Variants in CCSER2 observed in about 807,000 individuals in gnomAD.
The protein encoded by CCSER2 is serine-rich coiled-coil domain-containing protein 2.
CCSER2 carries 46 observed loss-of-function variants against 92.3 expected under a neutral mutation model. That is an observed-to-expected ratio of 0.50 (90% CI 0.39 to 0.64). The LOEUF (loss-of-function observed/expected upper bound fraction) is 0.64, where lower values mean the gene tolerates loss of function less well. CCSER2 is among the 30% of genes least tolerant of loss of function. The pLI is 0.00. For synonymous variants in CCSER2, 433 were observed against 431.4 expected (o/e 1.00, Z -0.04); for missense variants, 1,244 against 1,238.9 (o/e 1.00, Z -0.06).
chr10:84,336,723 T>C (rs1052069121), intron 1 of CCSER2, among the ~76,000 whole-genome samples: 3 of 152,196 alleles, frequency 2.0e-5, no homozygotes, highest in Non-Finnish European at 2.9e-5. Flanking sequence ...CCAGTGAGAC[T>C]GGCTTTTAAA....
At chr10:84,407,261 T>G (rs907365050) in intron 3 of CCSER2, among the ~76,000 whole-genome samples, 1 of 152,228 alleles carries the variant, frequency 6.6e-6, no homozygotes, top group Non-Finnish European at 1.5e-5. Flanking sequence ...TTGGCCTTCC[T>G]TTTTGGTTTT....
chr10:84,477,521 T>G, intron 8 of CCSER2, 54 bp from the exon 9 acceptor site: 1 of 902,260 alleles, frequency 1.1e-6, no homozygotes, highest in African/African-American at 1.7e-5. Flanking sequence ...CTTGTGTGTC[T>G]TGGTGTGTAT....
intron 1 of CCSER2, among the ~76,000 whole-genome samples, chr10:84,370,600 C>T (rs1305800199): frequency 4.6e-5 from 7 of 152,144 alleles, no homozygotes; most frequent in Non-Finnish European, 1.0e-4. Flanking sequence ...ATCTGAATGC[C>T]TTTTATTTCA....
At chr10:84,381,917 C>CAAAAAAAA (rs544545707) in intron 3 of CCSER2, among the ~76,000 whole-genome samples, 1 of 120,072 alleles carries the variant, frequency 8.3e-6, no homozygotes, top group Non-Finnish European at 1.7e-5. Context: ...AAGGCTTTCT[C>CAAAAAAAA]AAAAAAAAAA....
chr10:84,394,303 A>T (rs1283676470), intron 3 of CCSER2, among the ~76,000 whole-genome samples: 1 of 152,138 alleles, frequency 6.6e-6, no homozygotes, highest in East Asian at 1.9e-4. Context: ...TTTGATAGGC[A>T]GATAAATTAT....
intron 3 of CCSER2, chr10:84,392,155 A>G (rs1344759662): frequency 3.5e-6 from 2 of 567,084 alleles, no homozygotes; most frequent in Non-Finnish European, 6.4e-6. Flanking sequence ...GGAAGGGTAA[A>G]CCGGTAGGGA....
intron 3 of CCSER2, among the ~76,000 whole-genome samples, chr10:84,410,842 A>G (rs1842613743): frequency 6.6e-6 from 1 of 152,090 alleles, no homozygotes; most frequent in South Asian, 2.1e-4. Context: ...CTGTGCCTAA[A>G]TCTTTACCTG....
intron 8 of CCSER2, among the ~76,000 whole-genome samples, chr10:84,476,735 G>A (rs1168761217): frequency 6.6e-6 from 1 of 152,100 alleles, no homozygotes; most frequent in Non-Finnish European, 1.5e-5. Flanking sequence ...GAGCCACCGT[G>A]CCTGGCCGGG....
intron 6 of CCSER2, among the ~76,000 whole-genome samples, chr10:84,458,259 T>C (rs961805081): frequency 2.0e-5 from 3 of 152,194 alleles, no homozygotes; most frequent in Non-Finnish European, 4.4e-5. Context: ...TTATCACGTG[T>C]ATGTTCAGTT....
chr10:84,441,734 ATGTTTTTTTTTTT>A (rs1308517892), intron 6 of CCSER2, among the ~76,000 whole-genome samples: 32 of 106,418 alleles, frequency 3.0e-4, no homozygotes, highest in Middle Eastern at 4.7e-3. Flanking sequence ...GACTGGGAAA[ATGTTTTTTTTTTT>A]TTTTTTTTTT....
chr10:84,511,271 T>G (rs1392326480), intron 9 of CCSER2, among the ~76,000 whole-genome samples: 2 of 152,216 alleles, frequency 1.3e-5, no homozygotes, highest in Admixed American at 6.5e-5. Flanking sequence ...TCTGCTGTAT[T>G]TCCGTTTATT....
At chr10:84,500,502 G>T (rs535008259) in intron 9 of CCSER2, among the ~76,000 whole-genome samples, 4 of 152,244 alleles carry the variant, frequency 2.6e-5, no homozygotes, top group African/African-American at 9.6e-5. Flanking sequence ...AGATGTTTTT[G>T]TAATTTATCA....
chr10:84,380,852 G>A (rs1840864591), intron 3 of CCSER2, among the ~76,000 whole-genome samples: 1 of 151,928 alleles, frequency 6.6e-6, no homozygotes, highest in African/African-American at 2.4e-5. Flanking sequence ...CTGCCACCAC[G>A]CCAGGCTAAT....
intron 1 of CCSER2, among the ~76,000 whole-genome samples, chr10:84,360,116 G>T (rs1047986141): frequency 1.3e-5 from 2 of 152,056 alleles, no homozygotes; most frequent in Non-Finnish European, 2.9e-5. Context: ...CCTGGCTGGG[G>T]TTTACTTTTT....
At chr10:84,449,254 A>G (rs755592389) in intron 6 of CCSER2, among the ~76,000 whole-genome samples, 5 of 152,130 alleles carry the variant, frequency 3.3e-5, no homozygotes, top group Non-Finnish European at 5.9e-5. Flanking sequence ...GTGTGCCTGT[A>G]GTCCCAGCTA....
intron 3 of CCSER2, among the ~76,000 whole-genome samples, chr10:84,374,521 C>T (rs1370322767): frequency 6.6e-6 from 1 of 152,104 alleles, no homozygotes; most frequent in Non-Finnish European, 1.5e-5. Flanking sequence ...CATTGGCCTG[C>T]AGGCAACACT....
intron 6 of CCSER2, among the ~76,000 whole-genome samples, chr10:84,452,601 A>C (rs1032227261): frequency 5.3e-5 from 8 of 152,212 alleles, no homozygotes; most frequent in Non-Finnish European, 1.2e-4. Context: ...CAGTTGGTTA[A>C]CTGTGAATTA....
At chr10:84,344,722 C>T (rs1227789723) in intron 1 of CCSER2, among the ~76,000 whole-genome samples, 2 of 152,106 alleles carry the variant, frequency 1.3e-5, no homozygotes, top group African/African-American at 4.8e-5. Context: ...CCTGAAAGAG[C>T]ATCTTATGAT....
At chr10:84,499,821 A>AT in intron 9 of CCSER2, 1 of 1,580,330 alleles carries the variant, frequency 6.3e-7, no homozygotes, top group Non-Finnish European at 8.7e-7. Flanking sequence ...TGGTTTCTCT[A>AT]TTTTTTGGTT....
Sources: allele counts gnomAD v4.1 joint callset (sites outside exome capture counted in the v4.1 genomes callset), GRCh38; gene constraint gnomAD v4.1.1; transcripts MANE v1.5; gene names NCBI Gene and HGNC (gene_info 2026-07-23, HGNC 2026-07-21).